SEC22C: variants seen among roughly 807,000 people sequenced by gnomAD.
The protein encoded by SEC22C is SEC22 homolog C, vesicle trafficking protein, also known as vesicle-trafficking protein SEC22c.
Under a neutral mutation model 34.7 loss-of-function variants are expected in SEC22C, and 29 were observed. That is an observed-to-expected ratio of 0.84 (90% CI 0.62 to 1.14). SEC22C has a LOEUF of 1.14. SEC22C is among the 50% of genes most tolerant of loss of function. The pLI, the probability that SEC22C is intolerant of heterozygous loss-of-function variation, is 0.00. For missense variants in SEC22C, 337 were observed against 369.0 expected (o/e 0.91, Z 0.71); for synonymous variants, 117 against 132.8 (o/e 0.88, Z 0.82).
At chr3:42,594,528 A>G in intron 1 of SEC22C, 3 of 1,602,236 alleles carry the variant, frequency 1.9e-6, no homozygotes, top group Non-Finnish European at 2.6e-6. Flanking sequence ...AAGCAATAGA[A>G]TAATCTTCCA....
chr3:42,573,828 T>C (rs1703792401), intron 1 of SEC22C, among the ~76,000 whole-genome samples: 1 of 151,772 alleles, frequency 6.6e-6, no homozygotes, highest in African/African-American at 2.4e-5. Context: ...GATTGAAAAA[T>C]ATTTCACAGA....
intron 1 of SEC22C, among the ~76,000 whole-genome samples, chr3:42,589,262 CT>C (rs1704729998): frequency 6.6e-6 from 1 of 151,520 alleles, no homozygotes; most frequent in African/African-American, 2.4e-5. Context: ...GAGCGAGACT[CT>C]GTCTCAAAAA....
At position 42,551,721 on chromosome 3, in the gene SEC22C, T is replaced by C; in HGVS notation, c.*1527A>G. On this transcript the variant is annotated 3_prime_UTR_variant, in exon 7 of 7. Transcript: ENST00000264454. ...TTACTATGGCAACATTTTCCCAACA[T>C]AGTTCCCAGTATATAAACTTATTTT... 1 of 959,610 alleles carries C rather than the reference T, an allele frequency of 1.0e-6. No homozygotes were observed. The allele number at this position is 959,610 out of a possible 1,614,324, so 59.4% of individuals were successfully genotyped here.
At chr3:42,561,066 T>C in intron 4 of SEC22C, 51 bp downstream of exon 4, 3 of 1,544,486 alleles carry the variant, frequency 1.9e-6, no homozygotes, top group Non-Finnish European at 2.6e-6. Flanking sequence ...AACGTCCATT[T>C]GAAATACACA....
upstream of SEC22C, among the ~76,000 whole-genome samples, chr3:42,583,492 G>A (rs915139545): frequency 6.6e-6 from 1 of 152,190 alleles, no homozygotes; most frequent in Non-Finnish European, 1.5e-5. Context: ...AGATAAGATT[G>A]ATCTTGAGCT....
In SEC22C at chr3:42,548,879, TCTCCTCCCA is replaced by T. The variant is rs1702113882; in HGVS notation, c.*4360_*4368del. The T allele has an allele frequency of 7.3e-7, 1 of 1,374,016 alleles. No individual in the cohort carries two copies. Among genetic ancestry groups the T allele is most frequent in the Admixed American group, 2.9e-5 (1 of 33,956 alleles). The allele number at this position is 1,374,016 out of a possible 1,614,324, so 85.1% of individuals were successfully genotyped here. On this transcript the variant is annotated 3_prime_UTR_variant, in exon 7 of 7. Transcript: ENST00000264454. ...ATGTACCAGGTGAATGTAAAGCCTT[TCTCCTCCCA>T]CACACAATGGACTCACCCAGTATTA... is the stretch of plus-strand genomic sequence containing the variant.
At chr3:42,578,194 G>A (rs958036739) in intron 1 of SEC22C, among the ~76,000 whole-genome samples, 4 of 152,174 alleles carry the variant, frequency 2.6e-5, no homozygotes, top group African/African-American at 9.6e-5. Context: ...TAAACAAACC[G>A]CAGTATATTC....
rs1702504127 is a variant in SEC22C at position 42,555,961 on chromosome 3, A to G, written c.680T>C (p.Phe227Ser). ...AHEEIGNILA[F>S]LVPFVACIFQ... ...AATGCAGGCTACGAAAGGAACAAGAAAAGCCAGAATGTTTCCAATTTCCTC... is the reference window on the plus strand; with the variant it reads ...AATGCAGGCTACGAAAGGAACAAGAGAAGCCAGAATGTTTCCAATTTCCTC... Residue 227 changes from phenylalanine to serine, a missense_variant, in exon 6 of 7, where the codon TTT becomes TCT. Transcript: ENST00000264454. The G allele has an allele frequency of 6.2e-7, 1 of 1,613,744 alleles. No individual in the cohort carries two copies. Among genetic ancestry groups the G allele is most frequent in the African/African-American group, 1.3e-5 (1 of 74,930 alleles).
rs200013248 is a variant in SEC22C, at chr3:42,548,811, G to A, written c.*4437C>T. 7 of 1,458,650 alleles carry A rather than the reference G, an allele frequency of 4.8e-6. No individual in the cohort carries two copies. In the East Asian group the frequency reaches 1.5e-4, roughly 31 times the overall value. The allele number at this position is 1,458,650 out of a possible 1,614,324, so 90.4% of individuals were successfully genotyped here. A position where few individuals can be genotyped will look rare whatever the true frequency, so the allele number is the denominator to read the frequency against. On this transcript the variant is annotated 3_prime_UTR_variant, in exon 7 of 7. Transcript: ENST00000264454. ...ACAAAATGCCTTTTTGTAAAGGCCA[G>A]AAGAAATGGCTGTGCTGTGCTGCCT...
At chr3:42,575,084 G>C (rs778090944) in intron 1 of SEC22C, among the ~76,000 whole-genome samples, 6 of 152,172 alleles carry the variant, frequency 3.9e-5, no homozygotes, top group Non-Finnish European at 7.3e-5. Context: ...CTGGTCTCAA[G>C]CAATCCTCCC....
chr3:42,581,213 T>A (rs1438437921), intron 1 of SEC22C: 1 of 152,368 alleles, frequency 6.6e-6, no homozygotes, highest in African/African-American at 2.4e-5. Context: ...TTACCCTATA[T>A]GTTGGTTCTG....
At chr3:42,601,000 G>A (rs1263264597) in exon 1 of SEC22C, 52 of 1,561,258 alleles carry the variant, frequency 3.3e-5, no homozygotes, top group Admixed American at 5.6e-5. Context: ...CCGCCACCTC[G>A]GTCGCGATGG....
At chr3:42,553,592 G>A in intron 6 of SEC22C, 144 bp from the exon 7 acceptor site, 1 of 1,245,416 alleles carries the variant, frequency 8.0e-7, no homozygotes, top group Non-Finnish European at 1.1e-6. Context: ...AGTAAAGCGT[G>A]GACCCACTGG....
intron 1 of SEC22C, among the ~76,000 whole-genome samples, chr3:42,572,924 G>T (rs1703733101): frequency 6.6e-6 from 1 of 152,218 alleles, no homozygotes; most frequent in African/African-American, 2.4e-5. Flanking sequence ...GAATACAGCA[G>T]TGCAATCATG....
intron 2 of SEC22C, among the ~76,000 whole-genome samples, chr3:42,565,163 C>T (rs79351662): frequency 0.012 from 1,753 of 152,276 alleles, 42 homozygotes; most frequent in African/African-American, 0.039. Context: ...ACACTTACTA[C>T]CTTAATATTC....
chr3:42,548,950 C>T lies in SEC22C; in HGVS notation c.*4298G>A. The T allele has an allele frequency of 8.4e-7, 1 of 1,189,692 alleles. No homozygotes were observed. Among genetic ancestry groups the T allele is most frequent in the Non-Finnish European group, 1.0e-6 (1 of 953,554 alleles). 73.7% of individuals were successfully genotyped at this position (1,189,692 alleles called of 1,614,324 possible). On this transcript the variant is annotated 3_prime_UTR_variant, in exon 7 of 7. Transcript: ENST00000264454. ...CACTTTTGACCCTCATAACAGCACC[C>T]TGGCGGGGGGGCAGATTGATGTTAT... is the stretch of plus-strand genomic sequence containing the variant.
At chr3:42,578,721 GA>G (rs961826330) in intron 1 of SEC22C, among the ~76,000 whole-genome samples, 60 of 152,010 alleles carry the variant, frequency 3.9e-4, no homozygotes, top group Non-Finnish European at 7.4e-4. Flanking sequence ...ATAAAAGCTG[GA>G]AAAAAGTATT....
At chr3:42,594,548 C>T (rs1180420532) in intron 1 of SEC22C, 7 of 1,543,050 alleles carry the variant, frequency 4.5e-6, no homozygotes, top group Middle Eastern at 3.8e-4. Context: ...ATTTGGCTGT[C>T]GTGAGGAGTA....
At position 42,561,921 on chromosome 3, in the gene SEC22C, A is replaced by G. The variant is rs552730893; in HGVS notation, c.347-625T>C. ...CCCTTACCACTTCTGATAGTACGGT[A>G]CAACCCTAGGCAATTTACAGAATAT... On this transcript the variant is annotated intron_variant, in intron 3 of 6. Coordinates refer to ENST00000264454, the MANE Select transcript of SEC22C (RefSeq NM_032970.4). Among the ~76,000 whole-genome samples the G allele has an allele frequency of 2.0e-5, 3 of 152,282 alleles. No homozygotes were observed. In the South Asian group the frequency reaches 6.2e-4, roughly 32 times the overall value.
Sources: allele counts gnomAD v4.1 joint callset (sites outside exome capture counted in the v4.1 genomes callset), GRCh38; gene constraint gnomAD v4.1.1; transcripts MANE v1.5; gene names NCBI Gene and HGNC (gene_info 2026-07-23, HGNC 2026-07-21).